Variants in SLC4A10 observed in about 807,000 individuals in gnomAD.
SLC4A10 encodes sodium-driven chloride bicarbonate exchanger.
Under a neutral mutation model 137.7 loss-of-function variants are expected in SLC4A10, and 42 were observed. That is an observed-to-expected ratio of 0.30 (90% CI 0.24 to 0.39). SLC4A10 has a LOEUF of 0.39. SLC4A10 is among the 10% of genes least tolerant of loss of function. The probability of loss-of-function intolerance (pLI) is 1.00; values close to 1 mark genes in which losing one functional copy is unlikely to be tolerated. For synonymous variants in SLC4A10, 474 were observed against 464.1 expected (o/e 1.02, Z -0.27); for missense variants, 925 against 1,355.0 (o/e 0.68, Z 4.98).
chr2:161,653,429 T>G (rs1267870172), intron 1 of SLC4A10, among the ~76,000 whole-genome samples: 5 of 152,206 alleles, frequency 3.3e-5, no homozygotes, highest in African/African-American at 9.7e-5. Flanking sequence ...CACCACACTG[T>G]CTTCCACAAT....
At chr2:161,971,984 A>G (rs1198645893) in intron 23 of SLC4A10, among the ~76,000 whole-genome samples, 4 of 152,124 alleles carry the variant, frequency 2.6e-5, no homozygotes, top group East Asian at 1.9e-4. Flanking sequence ...CTTTGGTCCA[A>G]TTTTTTGCTG....
At chr2:161,760,164 C>G (rs73017120) in intron 1 of SLC4A10, among the ~76,000 whole-genome samples, 361 of 152,104 alleles carry the variant, frequency 2.4e-3, no homozygotes, top group African/African-American at 7.8e-3. Flanking sequence ...CACTCCTTCA[C>G]TATCCATTCT....
At chr2:161,879,463 C>T (rs969045386) in intron 9 of SLC4A10, among the ~76,000 whole-genome samples, 175 bp downstream of exon 9, 1 of 151,330 alleles carries the variant, frequency 6.6e-6, no homozygotes, top group East Asian at 1.9e-4. Context: ...AAAAATTATT[C>T]TCTTCTTTCC....
intron 10 of SLC4A10, among the ~76,000 whole-genome samples, chr2:161,892,623 T>G (rs1408146588): frequency 6.6e-6 from 1 of 152,084 alleles, no homozygotes; most frequent in Non-Finnish European, 1.5e-5. Flanking sequence ...ACAAATGGTC[T>G]AAAAGTAAAA....
At chr2:161,935,835 G>A (rs1362421399) in intron 15 of SLC4A10, among the ~76,000 whole-genome samples, 2 of 152,016 alleles carry the variant, frequency 1.3e-5, no homozygotes, top group African/African-American at 4.8e-5. Flanking sequence ...GACTAAAAGT[G>A]GCAAGAGTAG....
chr2:161,882,122 CTG>C (rs1457589846), intron 9 of SLC4A10, among the ~76,000 whole-genome samples: 2 of 147,464 alleles, frequency 1.4e-5, no homozygotes, highest in South Asian at 2.2e-4. Flanking sequence ...CGGAGAAACA[CTG>C]TGATAAAAAA....
intron 23 of SLC4A10, among the ~76,000 whole-genome samples, chr2:161,968,467 T>G (rs901640639): frequency 6.6e-6 from 1 of 152,196 alleles, no homozygotes; most frequent in Non-Finnish European, 1.5e-5. Flanking sequence ...TCATGCTTTC[T>G]GAAAAGATAC....
intron 1 of SLC4A10, among the ~76,000 whole-genome samples, chr2:161,714,877 G>A (rs2044674004): frequency 6.6e-6 from 1 of 151,902 alleles, no homozygotes; most frequent in Non-Finnish European, 1.5e-5. Context: ...TTCAAACAGT[G>A]CCTAGAGTGT....
intron 1 of SLC4A10, among the ~76,000 whole-genome samples, chr2:161,698,235 C>T (rs1036986354): frequency 2.6e-5 from 4 of 152,200 alleles, no homozygotes; most frequent in Admixed American, 1.3e-4. Flanking sequence ...TCTAAATATA[C>T]AATCATGTTA....
chr2:161,920,501 T>G (rs1263855995), intron 15 of SLC4A10, among the ~76,000 whole-genome samples: 1 of 152,260 alleles, frequency 6.6e-6, no homozygotes, highest in Non-Finnish European at 1.5e-5. Flanking sequence ...AATAAAGGGT[T>G]GCAAAAGAGT....
chr2:161,947,600 G>A lies in SLC4A10; in HGVS notation c.2138G>A (p.Arg713Gln), dbSNP rs148092998. Residue 713 changes from arginine to glutamine, a missense_variant, in exon 17 of 27, where the codon CGG (arginine) becomes CAG (glutamine). By Grantham distance (43) the Arg-to-Gln change is conservative. Coordinates refer to ENST00000446997, the MANE Select transcript of SLC4A10 (RefSeq NM_001178015.2). ...CKSLHGEYVG[R>Q]ACGHDHPYVP... is the part of the protein sequence containing the mutation. ...TCATTGCATGGAGAGTATGTTGGAC[G>A]GGCCTGTGGCCATGATCACCCATAT... 25 of 1,612,696 alleles carry A rather than the reference G, an allele frequency of 1.6e-5. No individual in the cohort carries two copies. The highest frequency in any genetic ancestry group is 1.6e-4 in the Middle Eastern group (1 of 6,072).
At chr2:161,863,928 G>A (rs944177750) in intron 6 of SLC4A10, among the ~76,000 whole-genome samples, 1 of 152,224 alleles carries the variant, frequency 6.6e-6, no homozygotes, top group Non-Finnish European at 1.5e-5. Flanking sequence ...TAGGCCGGGC[G>A]CAGTGGCTCA....
At chr2:161,690,163 A>G (rs976694309) in intron 1 of SLC4A10, among the ~76,000 whole-genome samples, 101 of 152,312 alleles carry the variant, frequency 6.6e-4, no homozygotes, top group African/African-American at 2.3e-3. Context: ...TCAAAAGAAG[A>G]CATTTATGTG....
At chr2:161,766,438 A>G (rs2050804481) in intron 1 of SLC4A10, among the ~76,000 whole-genome samples, 1 of 152,118 alleles carries the variant, frequency 6.6e-6, no homozygotes, top group Non-Finnish European at 1.5e-5. Flanking sequence ...AGGGGAAAAC[A>G]TCTTCTGGCC....
chr2:161,731,840 G>A (rs1197752459), intron 1 of SLC4A10, among the ~76,000 whole-genome samples: 2 of 152,072 alleles, frequency 1.3e-5, no homozygotes, highest in African/African-American at 4.8e-5. Context: ...AAAATTCCCT[G>A]AATATAGTTT....
intron 3 of SLC4A10, among the ~76,000 whole-genome samples, chr2:161,834,071 C>T (rs1447078280): frequency 6.6e-6 from 1 of 152,216 alleles, no homozygotes; most frequent in Non-Finnish European, 1.5e-5. Context: ...GTTATTCTTT[C>T]TTATTACAGA....
chr2:161,933,246 TCTTTCTTC>T (rs1690901104), intron 15 of SLC4A10, among the ~76,000 whole-genome samples: 1 of 140,852 alleles, frequency 7.1e-6, no homozygotes. Context: ...TTTCTTTCTT[TCTTTCTTC>T]TTTCTTTCTC....
intron 1 of SLC4A10, among the ~76,000 whole-genome samples, chr2:161,661,560 A>T (rs1298438977): frequency 6.6e-6 from 1 of 152,248 alleles, no homozygotes; most frequent in Non-Finnish European, 1.5e-5. Context: ...GAGTTTAGAA[A>T]TCTTCAGGAT....
intron 1 of SLC4A10, among the ~76,000 whole-genome samples, chr2:161,679,581 T>TC (rs2040622326): frequency 6.6e-6 from 1 of 152,044 alleles, no homozygotes; most frequent in African/African-American, 2.4e-5. Flanking sequence ...AGAGATTTTT[T>TC]CCCTCAGTTT....
Sources: gnomAD v4.1 joint callset for allele counts (sites outside exome capture counted in the v4.1 genomes callset) on GRCh38, gnomAD v4.1.1 for gene constraint, MANE v1.5 for transcripts, NCBI Gene and HGNC (gene_info 2026-07-23, HGNC 2026-07-21) for gene names.